The following NPAS3 variants were observed in gnomAD, a reference collection of about 807,000 sequenced individuals.
NPAS3 encodes neuronal PAS domain-containing protein 3.
A neutral mutation model predicts 73.1 loss-of-function variants in NPAS3; 14 were observed. The observed-to-expected ratio is 0.19, with a 90% CI of 0.13 to 0.30. NPAS3 has a LOEUF of 0.30. Ranked by LOEUF, NPAS3 falls within the 10% of genes least tolerant of loss-of-function variation. The probability of loss-of-function intolerance (pLI) is 1.00; values close to 1 mark genes in which losing one functional copy is unlikely to be tolerated. For missense variants in NPAS3, 1,096 were observed against 1,250.0 expected, an observed-to-expected ratio of 0.88 and a Z score of 1.86; for synonymous variants, 620 against 541.5, an observed-to-expected ratio of 1.14 and a Z score of -2.01.
chr14:33,646,763 G>A (rs989826728), intron 5 of NPAS3, among the ~76,000 whole-genome samples: 1 of 152,194 alleles, frequency 6.6e-6, no homozygotes, highest in Non-Finnish European at 1.5e-5. Flanking sequence ...TAGCAGGGCA[G>A]TACTCATTGC....
chr14:33,403,038 A>G (rs983342206), intron 4 of NPAS3, among the ~76,000 whole-genome samples: 1 of 152,118 alleles, frequency 6.6e-6, no homozygotes, highest in Non-Finnish European at 1.5e-5. Context: ...GTAGGGGCTT[A>G]AAAATTTCTA....
intron 4 of NPAS3, among the ~76,000 whole-genome samples, chr14:33,521,059 T>G (rs1042953772): frequency 1.3e-5 from 2 of 152,168 alleles, no homozygotes; most frequent in Non-Finnish European, 2.9e-5. Context: ...ATCTGAAGCT[T>G]GTGCCTTTTG....
chr14:33,697,900 A>G (rs2060428409), intron 6 of NPAS3, among the ~76,000 whole-genome samples: 1 of 152,210 alleles, frequency 6.6e-6, no homozygotes, highest in African/African-American at 2.4e-5. Context: ...TTTCTCCTCA[A>G]TGTGTCTTTC....
At chr14:32,964,507 A>G (rs1159382567) in intron 1 of NPAS3, among the ~76,000 whole-genome samples, 1 of 149,104 alleles carries the variant, frequency 6.7e-6, no homozygotes, top group Non-Finnish European at 1.5e-5. Flanking sequence ...ATATATGCAT[A>G]CAATGTGATA....
chr14:33,736,220 G>A (rs527555175), intron 7 of NPAS3, among the ~76,000 whole-genome samples: 28 of 152,286 alleles, frequency 1.8e-4, no homozygotes, highest in Non-Finnish European at 3.5e-4. Flanking sequence ...CTGTGTTATC[G>A]CGGATGGTAA....
intron 1 of NPAS3, among the ~76,000 whole-genome samples, chr14:33,022,588 C>T (rs1007258729): frequency 1.3e-5 from 2 of 149,722 alleles, no homozygotes; most frequent in Non-Finnish European, 2.9e-5. Flanking sequence ...TGGCGTGAAC[C>T]CGGGAGGCGG....
intron 4 of NPAS3, among the ~76,000 whole-genome samples, chr14:33,452,915 C>CT (rs1171615820): frequency 6.6e-6 from 1 of 151,604 alleles, no homozygotes; most frequent in African/African-American, 2.4e-5. Context: ...TCCCTCTCTT[C>CT]TTGTAATTAT....
rs138602948 is a variant in NPAS3, at chr14:33,555,115, G to C, written c.469-5006G>C. Among the ~76,000 whole-genome samples, 326 of 152,212 alleles carry C rather than the reference G, an allele frequency of 2.1e-3. 1 individual carries two copies. The highest frequency in any genetic ancestry group is 7.3e-3 in the African/African-American group (302 of 41,538). ...CTGGGATGTGACAAAGGAAATCTCC[G>C]ATCAGCCCTGTCTGGATGGCTAAGA... On this transcript the variant is annotated intron_variant, in intron 4 of 11. Transcript: ENST00000356141.
At position 33,800,892 on chromosome 14, in the gene NPAS3, G is replaced by A. The variant is rs746408254; in HGVS notation, c.2585G>A (p.Gly862Asp). 2.3e-5 allele frequency: 37 copies of A among 1,607,358 alleles called. No homozygotes were observed. The Admixed American group carries it at 6.0e-4, about 26-fold the overall frequency. Residue 862 changes from glycine (G) to aspartate (D), a missense_variant, in exon 12 of 12, where the codon GGC becomes GAC. By Grantham distance (94) the Gly-to-Asp change is moderately conservative (BLOSUM62 -1). This residue lies in a region of NPAS3 where 698 missense variants were observed against 676.7 expected (regional missense o/e 1.03). Coordinates refer to ENST00000356141, the Ensembl canonical transcript of NPAS3. The surrounding 1 kb of genome is among the most constrained non-coding windows in gnomAD (Gnocchi z 6.5). The stretch of plus-strand genomic sequence containing the variant: ...GTGGACGTTAACAGCCCCGGCTTTG[G>A]CCTCGACCCCAAGACGCCCATGGAG...
intron 2 of NPAS3, among the ~76,000 whole-genome samples, chr14:33,086,128 G>A (rs569376775): frequency 1.3e-5 from 2 of 152,272 alleles, no homozygotes; most frequent in African/African-American, 4.8e-5. Context: ...TGTTAAAAAT[G>A]ATGTGTATTT....
intron 6 of NPAS3, among the ~76,000 whole-genome samples, chr14:33,684,624 C>G (rs1042516921): frequency 6.6e-6 from 1 of 152,220 alleles, no homozygotes. Context: ...TGCATTTAAA[C>G]TCATACCACA....
chr14:33,081,098 C>G (rs2041849913), intron 2 of NPAS3, among the ~76,000 whole-genome samples: 1 of 152,118 alleles, frequency 6.6e-6, no homozygotes, highest in South Asian at 2.1e-4. Context: ...GGAAGCCTTG[C>G]TGTATAGTAT....
At chr14:33,244,318 G>A (rs188964284) in intron 3 of NPAS3, among the ~76,000 whole-genome samples, 1 of 152,100 alleles carries the variant, frequency 6.6e-6, no homozygotes, top group East Asian at 1.9e-4. Context: ...ATTATTTTCT[G>A]TTTTTAAGTA....
rs79980764 is a variant in NPAS3, at chr14:33,731,439, A to G, written c.734-3775A>G. On this transcript the variant is annotated intron_variant, in intron 6 of 11. Transcript: ENST00000356141. Reference sequence around the variant, plus strand: ...GTCTCATTTGAAAAAAAAAAAAAAAAAGAGAGAGAGAAAGAAAAAAAGGCC... The same window carrying G: ...GTCTCATTTGAAAAAAAAAAAAAAAGAGAGAGAGAGAAAGAAAAAAAGGCC... Among the ~76,000 whole-genome samples, 247 of 123,588 alleles carry G rather than the reference A, an allele frequency of 2.0e-3. 3 individuals carry two copies. Among genetic ancestry groups the G allele is most frequent in the Middle Eastern group, 0.013 (3 of 228 alleles). The allele number at this position is 123,588 out of a possible 152,430, so 81.1% of individuals were successfully genotyped here.
intron 5 of NPAS3, among the ~76,000 whole-genome samples, chr14:33,590,798 A>T (rs2057036531): frequency 6.6e-6 from 1 of 152,096 alleles, no homozygotes; most frequent in South Asian, 2.1e-4. Flanking sequence ...GTGGCTCAGG[A>T]TGAGCTCACA....
Position 33,800,764 on chromosome 14 carries a change from C to G in NPAS3, c.2457C>G (p.Ala819=), listed in dbSNP as rs771394629. 1.3e-6 allele frequency: 2 copies of G among 1,571,290 alleles called. No homozygotes were observed. Among genetic ancestry groups the G allele is most frequent in the African/African-American group, 1.3e-5 (1 of 74,170 alleles). The change falls in exon 12 of 12, where the codon GCC becomes GCG. Residue 819 remains alanine, a synonymous_variant. Transcript: ENST00000356141. The surrounding 1 kb of genome is among the most constrained non-coding windows in gnomAD (Gnocchi z 6.5). The stretch of plus-strand genomic sequence containing the variant: ...GGACCCTGGCCGCCACCAGCACGGC[C>G]GCGCAGAGGGTCTACACCACGGGCA...
intron 3 of NPAS3, among the ~76,000 whole-genome samples, chr14:33,266,461 T>C (rs2040820833): frequency 6.6e-6 from 1 of 152,150 alleles, no homozygotes; most frequent in South Asian, 2.1e-4. Flanking sequence ...AAGCCAAAGA[T>C]GATTATGCCA....
chr14:33,447,519 C>A (rs1019052998), intron 4 of NPAS3, among the ~76,000 whole-genome samples: 1 of 152,104 alleles, frequency 6.6e-6, no homozygotes, highest in Non-Finnish European at 1.5e-5. Context: ...TTTAGACATG[C>A]AACTATAACA....
chr14:33,697,020 T>C (rs1382009013), intron 6 of NPAS3, among the ~76,000 whole-genome samples: 1 of 152,230 alleles, frequency 6.6e-6, no homozygotes, highest in Non-Finnish European at 1.5e-5. Context: ...TGATGGGCCT[T>C]TTCTGAGCTA....
Sources: gnomAD v4.1 joint callset for allele counts (sites outside exome capture counted in the v4.1 genomes callset) on GRCh38, gnomAD v4.1.1 for gene constraint, gnomAD v4.1.1 regional missense constraint, Gnocchi (gnomAD v3.1) non-coding constraint, MANE v1.5 for transcripts, NCBI Gene and HGNC (gene_info 2026-07-23, HGNC 2026-07-21) for gene names.